The following FRMPD1 variants were observed in gnomAD, a reference collection of about 807,000 sequenced individuals.
The protein encoded by FRMPD1 is FERM and PDZ domain containing 1, also known as FERM and PDZ domain-containing protein 1.
FRMPD1 carries 76 observed loss-of-function variants against 117.8 expected under a neutral mutation model. The ratio of observed to expected loss-of-function variants is 0.65; its 90% confidence interval spans 0.54 to 0.78. The LOEUF (loss-of-function observed/expected upper bound fraction) is 0.78. Among genes scored for constraint, FRMPD1 ranks in the 30% least tolerant of loss-of-function variants. The pLI is 0.00. For missense variants in FRMPD1, 1,786 were observed against 1,964.5 expected (o/e 0.91, Z 1.72); for synonymous variants, 783 against 770.4 (o/e 1.02, Z -0.27).
At chr9:37,724,801 G>T (rs1823551866) in intron 7 of FRMPD1, among the ~76,000 whole-genome samples, 1 of 152,206 alleles carries the variant, frequency 6.6e-6, no homozygotes, top group Admixed American at 6.5e-5. Context: ...CTTAGTCAGG[G>T]GTGGTCTCGA....
chr9:37,745,134 T>C lies in FRMPD1; in HGVS notation c.3102T>C (p.Asn1034=), dbSNP rs573387377. ...GCCTGGCCAGCAACCCAGGACTAAA[T>C]AATGTCTCTCAAGGAGACACACTAG... ...RACLASNPGL[N]NVSQGDTLEL... is the part of the protein sequence containing the mutation. Residue 1034 remains asparagine (N), a synonymous_variant, in exon 16 of 16, where the codon AAT becomes AAC. Transcript: ENST00000377765. 6 of 1,614,022 alleles carry C rather than the reference T, an allele frequency of 3.7e-6. No individual in the cohort carries two copies. In the South Asian group the frequency reaches 4.4e-5, roughly 12 times the overall value.
chr9:37,733,369 G>T, intron 10 of FRMPD1, 104 bp from the exon 11 acceptor site: 1 of 1,098,264 alleles, frequency 9.1e-7, no homozygotes. Flanking sequence ...CGTAATTGCT[G>T]TATTATGGGA....
intron 4 of FRMPD1, among the ~76,000 whole-genome samples, chr9:37,710,433 A>G (rs1449228683): frequency 6.6e-6 from 1 of 152,212 alleles, no homozygotes; most frequent in Admixed American, 6.5e-5. Flanking sequence ...TCAAGCAGTT[A>G]TCTGCTTGAT....
At chr9:37,613,623 T>C in the FRMPD1 span, among the ~76,000 whole-genome samples, 3 of 152,322 alleles carry the variant, frequency 2.0e-5, no homozygotes, top group East Asian at 1.9e-4. Flanking sequence ...TAGTCAACCA[T>C]GGACTGAAAA....
At chr9:37,682,734 A>T (rs1162899036) in intron 1 of FRMPD1, among the ~76,000 whole-genome samples, 1 of 152,204 alleles carries the variant, frequency 6.6e-6, no homozygotes, top group Admixed American at 6.5e-5. Flanking sequence ...TCTAATGCTT[A>T]TAGGGTTTTA....
chr9:37,685,635 A>G (rs1230534782), intron 1 of FRMPD1, among the ~76,000 whole-genome samples: 78 of 151,952 alleles, frequency 5.1e-4, no homozygotes, highest in African/African-American at 1.5e-3. Context: ...CTAGGCGAGA[A>G]AGCGAGACTC....
At chr9:37,708,049 C>T (rs969080433) in intron 3 of FRMPD1, among the ~76,000 whole-genome samples, 2 of 152,152 alleles carry the variant, frequency 1.3e-5, no homozygotes, top group African/African-American at 2.4e-5. Context: ...ATCTGGGATT[C>T]GTTAAAATGT....
chr9:37,637,319 G>C, the FRMPD1 span: 1 of 1,133,366 alleles, frequency 8.8e-7, no homozygotes, highest in Non-Finnish European at 1.3e-6. Flanking sequence ...CCGCTCAGTC[G>C]CTCCCAGTCG....
rs114284879 is a variant in FRMPD1, at chr9:37,738,214, A to C, written c.1549+971A>C. Among the ~76,000 whole-genome samples the C allele has an allele frequency of 6.2e-3, 939 of 152,372 alleles. 12 individuals are homozygous for C. Among genetic ancestry groups the C allele is most frequent in the African/African-American group, 0.022 (915 of 41,582 alleles). ...ATGTGGAGATGGGAAGAGGTGATCAATAGCACACCACTGTAGAGTGTTTCC... is the reference window on the plus strand; with the variant it reads ...ATGTGGAGATGGGAAGAGGTGATCACTAGCACACCACTGTAGAGTGTTTCC... On this transcript the variant is annotated intron_variant, in intron 14 of 15. Transcript: ENST00000377765.
At chr9:37,663,913 T>C (rs1008844168) in intron 1 of FRMPD1, among the ~76,000 whole-genome samples, 1 of 152,222 alleles carries the variant, frequency 6.6e-6, no homozygotes, top group Non-Finnish European at 1.5e-5. Flanking sequence ...AAAAAGTCTG[T>C]ACATGTTCAG....
rs1440264455 is a variant in FRMPD1, at chr9:37,740,769, C to T, written c.2241C>T (p.Pro747=). ...WGQQGWTEAQ[P]SSMLEPLALH... ...AGCAGGGCTGGACTGAGGCCCAGCCCAGTTCCATGCTGGAACCCCTGGCCC... is the reference window on the plus strand; with the variant it reads ...AGCAGGGCTGGACTGAGGCCCAGCCTAGTTCCATGCTGGAACCCCTGGCCC... The change falls in exon 15 of 16, where the codon CCC becomes CCT. Residue 747 remains proline (P), a synonymous_variant. Transcript: ENST00000377765. The surrounding 1 kb of genome is among the most constrained non-coding windows in gnomAD (Gnocchi z 4.2). The T allele has an allele frequency of 1.2e-6, 2 of 1,614,132 alleles. No homozygotes were observed. The highest frequency in any genetic ancestry group is 4.5e-5 in the East Asian group (2 of 44,876).
At position 37,746,285 on chromosome 9, in the gene FRMPD1, C is replaced by T. The variant is rs1395830959; in HGVS notation, c.4253C>T (p.Thr1418Ile). ...LRQLKATPASTPEGFIQLMES... is the reference protein window; with the variant it reads ...LRQLKATPASIPEGFIQLMES... ...CAGCTGAAAGCCACCCCTGCCAGCA[C>T]CCCTGAGGGCTTCATCCAACTCATG... is the stretch of plus-strand genomic sequence containing the variant. Residue 1418 changes from threonine (T) to isoleucine (I), a missense_variant, in exon 16 of 16, where the codon ACC becomes ATC. By Grantham distance (89) the Thr-to-Ile change is moderately conservative (BLOSUM62 -1). Transcript: ENST00000377765. 2 of 1,612,674 alleles carry T rather than the reference C, an allele frequency of 1.2e-6. No homozygotes were observed. Among genetic ancestry groups the T allele is most frequent in the Admixed American group, 3.3e-5 (2 of 59,976 alleles).
At chr9:37,699,797 C>A (rs189429136) in intron 2 of FRMPD1, among the ~76,000 whole-genome samples, 1 of 152,280 alleles carries the variant, frequency 6.6e-6, no homozygotes, top group East Asian at 1.9e-4. Context: ...AATGAACATA[C>A]ATGCATGTCT....
chr9:37,644,789 C>A, the FRMPD1 span, among the ~76,000 whole-genome samples: 1 of 152,090 alleles, frequency 6.6e-6, no homozygotes. Flanking sequence ...TCCTGCCTAA[C>A]TCAAGCAGCT....
chr9:37,644,675 C>T, the FRMPD1 span, among the ~76,000 whole-genome samples: 2 of 152,158 alleles, frequency 1.3e-5, no homozygotes, highest in Admixed American at 1.3e-4. Flanking sequence ...CCCAAATAAA[C>T]CTGAATCTGA....
At chr9:37,660,283 A>G (rs1563921235) in intron 1 of FRMPD1, among the ~76,000 whole-genome samples, 1 of 152,100 alleles carries the variant, frequency 6.6e-6, no homozygotes, top group Admixed American at 6.5e-5. Flanking sequence ...GAGCCTAGCA[A>G]GGGCTGGCCA....
chr9:37,690,716 GT>G (rs1389733871), intron 1 of FRMPD1, among the ~76,000 whole-genome samples: 1 of 152,166 alleles, frequency 6.6e-6, no homozygotes, highest in African/African-American at 2.4e-5. Flanking sequence ...GTCTTAGTCT[GT>G]TTTGTGTTGC....
At chr9:37,609,708 C>T in the FRMPD1 span, among the ~76,000 whole-genome samples, 1 of 152,010 alleles carries the variant, frequency 6.6e-6, no homozygotes, top group Non-Finnish European at 1.5e-5. Context: ...CTTTCAGCGG[C>T]TTCCCATCTG....
At chr9:37,681,474 C>T (rs1821728382) in intron 1 of FRMPD1, among the ~76,000 whole-genome samples, 1 of 152,116 alleles carries the variant, frequency 6.6e-6, no homozygotes, top group African/African-American at 2.4e-5. Context: ...CTAAGAATGT[C>T]ATTTTCCTGA....
Sources: allele counts gnomAD v4.1 joint callset (sites outside exome capture counted in the v4.1 genomes callset), GRCh38; gene constraint gnomAD v4.1.1; non-coding constraint Gnocchi (gnomAD v3.1); transcripts MANE v1.5; gene names NCBI Gene and HGNC (gene_info 2026-07-23, HGNC 2026-07-21).